The following C22orf15 variants were observed in gnomAD, a reference collection of about 807,000 sequenced individuals.
C22orf15 encodes the protein chromosome 22 open reading frame 15, also known as uncharacterized protein C22orf15.
Under a neutral mutation model 20.3 loss-of-function variants are expected in C22orf15, and 21 were observed. The observed-to-expected ratio is 1.04, with a 90% CI of 0.74 to 1.49. C22orf15 has a LOEUF of 1.49. C22orf15 is among the 40% of genes most tolerant of loss of function. The probability of loss-of-function intolerance (pLI) is 0.00; values close to 1 mark genes in which losing one functional copy is unlikely to be tolerated. For missense variants in C22orf15, 170 were observed against 191.1 expected, an observed-to-expected ratio of 0.89 and a Z score of 0.65; for synonymous variants, 78 against 75.4, an observed-to-expected ratio of 1.03 and a Z score of -0.18.
chr22:23,765,101 C>T, intron 5 of C22orf15, 199 bp downstream of exon 5: 6 of 1,438,714 alleles, frequency 4.2e-6, no homozygotes, highest in Non-Finnish European at 5.5e-6. Context: ...CAGGTCCCCA[C>T]CACCCCACGG....
chr22:23,764,524 T>C, intron 3 of C22orf15, 115 bp from the exon 4 acceptor site: 1 of 1,559,392 alleles, frequency 6.4e-7, no homozygotes, highest in Non-Finnish European at 8.8e-7. Context: ...CCCCAATCCA[T>C]CCCTACCCAA....
rs1321405003 is a variant in C22orf15, at chr22:23,763,130, C to T, written c.-177C>T. 2.6e-6 allele frequency: 2 copies of T among 782,828 alleles called. No homozygotes were observed. The highest frequency in any genetic ancestry group is 1.8e-5 in the African/African-American group (1 of 56,182). 48.5% of individuals were successfully genotyped at this position (782,828 alleles called of 1,614,324 possible). A position where few individuals can be genotyped will look rare whatever the true frequency, so the allele number is the denominator to read the frequency against. ...TTTGAGCTAGGCTGAAGCAGCAGAA[C>T]CACAGAGGTGGCTGAGCAGGGGCCT... On this transcript the variant is annotated 5_prime_UTR_variant, in exon 1 of 6. Coordinates refer to ENST00000402217, the MANE Select transcript of C22orf15 (RefSeq NM_182520.3).
At chr22:23,765,470 T>C (rs1246751589) in intron 5 of C22orf15, 1 of 1,550,828 alleles carries the variant, frequency 6.4e-7, no homozygotes, top group Non-Finnish European at 8.7e-7. Context: ...CAGACAGGAT[T>C]TGAGGCCGCC....
At chr22:23,765,419 C>G (rs1456622991) in intron 5 of C22orf15, 1 of 1,551,076 alleles carries the variant, frequency 6.4e-7, no homozygotes. Context: ...CTTGCAGAAT[C>G]TGGAATTGCT....
Position 23,764,378 on chromosome 22 carries a change from T to C in C22orf15, c.231T>C (p.Tyr77=). ...CCCTACTGAAGGAGCGAGCCATATA[T>C]GTCCTCGTTCGGATCATCAGTAAGG... The part of the protein sequence containing the change: ...GNSLLKERAI[Y]VLVRIIKGED... The change falls in exon 3 of 6, where the codon TAT becomes TAC. Residue 77 remains tyrosine, a synonymous_variant. Coordinates refer to ENST00000402217, the MANE Select transcript of C22orf15 (RefSeq NM_182520.3). The C allele has an allele frequency of 1.3e-6, 2 of 1,554,336 alleles. No homozygotes were observed. Among genetic ancestry groups the C allele is most frequent in the South Asian group, 1.2e-5 (1 of 84,520 alleles).
intron 4 of C22orf15, 21 bp downstream of exon 4, chr22:23,764,734 CA>C (rs1926442562): frequency 1.2e-6 from 2 of 1,614,042 alleles, no homozygotes; most frequent in African/African-American, 2.7e-5. Flanking sequence ...GGGTACAGCC[CA>C]GGGGGAGGGC....
rs534046925 is a variant in C22orf15, at chr22:23,764,676, A to G, written c.288A>G (p.Leu96=). Residue 96 remains leucine (L), a synonymous_variant, in exon 4 of 6, where the codon CTA becomes CTG. Coordinates refer to ENST00000402217, the MANE Select transcript of C22orf15 (RefSeq NM_182520.3). ...EDMASTRYES[L]LENLDDHYPE... ...TGGCCTCCACCCGCTATGAGTCCCT[A>G]TTGGAGAACCTGGATGACCATTACC... The G allele has an allele frequency of 1.4e-5, 23 of 1,614,130 alleles. No homozygotes were observed. Among genetic ancestry groups the G allele is most frequent in the South Asian group, 3.3e-5 (3 of 91,092 alleles).
In C22orf15 at chr22:23,764,367, C is replaced by A. The variant is rs775602012; in HGVS notation, c.220C>A (p.Arg74=). ...QTMGNSLLKE[R]AIYVLVRIIK... is the part of the protein sequence containing the mutation. ...CATGGGCAACTCCCTACTGAAGGAG[C>A]GAGCCATATATGTCCTCGTTCGGAT... Residue 74 remains arginine, a synonymous_variant, in exon 3 of 6, where the codon CGA becomes AGA. Coordinates refer to ENST00000402217, the MANE Select transcript of C22orf15 (RefSeq NM_182520.3). The A allele has an allele frequency of 3.9e-6, 6 of 1,551,958 alleles. No homozygotes were observed. Among genetic ancestry groups the A allele is most frequent in the South Asian group, 1.2e-5 (1 of 84,246 alleles).
intron 5 of C22orf15, chr22:23,765,163 A>C: frequency 7.0e-7 from 1 of 1,436,728 alleles, no homozygotes; most frequent in Non-Finnish European, 9.1e-7. Context: ...CAGATGTGGC[A>C]TAGGGGCTGG....
At chr22:23,764,978 GAC>G (rs1470407488) in intron 5 of C22orf15, 76 bp downstream of exon 5, 26 of 1,531,174 alleles carry the variant, frequency 1.7e-5, no homozygotes, top group Non-Finnish European at 2.3e-5. Flanking sequence ...CATCCACAGA[GAC>G]ACCCAGAGTG....
At chr22:23,765,633 C>A in intron 5 of C22orf15, 88 bp from the exon 6 acceptor site, 1 of 1,511,506 alleles carries the variant, frequency 6.6e-7, no homozygotes, top group South Asian at 1.3e-5. Context: ...CCGACTAATG[C>A]CTCTCCACCT....
intron 5 of C22orf15, 40 bp from the exon 6 acceptor site, chr22:23,765,681 C>T (rs1926693903): frequency 1.9e-6 from 3 of 1,541,038 alleles, no homozygotes; most frequent in Non-Finnish European, 2.6e-6. Context: ...CTGTGCTACC[C>T]ACAGTGCAGA....
rs747455082 is a variant in C22orf15, at chr22:23,764,779, C to T, written c.326-14C>T. Reference sequence around the variant, plus strand: ...TCCCTAACCCCTACCAACAGGACTTCCTGGGCCTTCCAGAGGAACTGCGCA... The same window carrying T: ...TCCCTAACCCCTACCAACAGGACTTTCTGGGCCTTCCAGAGGAACTGCGCA... On this transcript the variant is annotated splice_polypyrimidine_tract_variant and intron_variant, in intron 4 of 5. Coordinates refer to ENST00000402217, the MANE Select transcript of C22orf15 (RefSeq NM_182520.3). The T allele has an allele frequency of 1.2e-6, 2 of 1,614,134 alleles. No individual in the cohort carries two copies. The highest frequency in any genetic ancestry group is 1.7e-6 in the Non-Finnish European group (2 of 1,179,996).
rs1926718203 is a variant in C22orf15 at position 23,765,824 on chromosome 22, C to G, written c.*92C>G. 3 of 1,529,324 alleles carry G rather than the reference C, an allele frequency of 2.0e-6. No individual in the cohort carries two copies. Among genetic ancestry groups the G allele is most frequent in the Non-Finnish European group, 2.7e-6 (3 of 1,129,156 alleles). 94.7% of individuals were successfully genotyped at this position (1,529,324 alleles called of 1,614,324 possible). ...TGAAGACAGGCCATCGAGAGAGGCA[C>G]ACAACAGGCTGTGGTCTAAAATAAA... On this transcript the variant is annotated 3_prime_UTR_variant, in exon 6 of 6. Coordinates refer to ENST00000402217, the MANE Select transcript of C22orf15 (RefSeq NM_182520.3).
chr22:23,763,969 T>C (rs1926169179), intron 1 of C22orf15, 118 bp from the exon 2 acceptor site: 1 of 969,550 alleles, frequency 1.0e-6, no homozygotes, highest in African/African-American at 1.6e-5. Flanking sequence ...GGGCACAGTC[T>C]TAGCCCATAG....
At chr22:23,765,676 C>A in intron 5 of C22orf15, 45 bp from the exon 6 acceptor site, 1 of 1,536,936 alleles carries the variant, frequency 6.5e-7, no homozygotes, top group Non-Finnish European at 8.8e-7. Flanking sequence ...CTGTCCTGTG[C>A]TACCCACAGT....
At chr22:23,765,254 C>A in intron 5 of C22orf15, 4 of 1,491,538 alleles carry the variant, frequency 2.7e-6, no homozygotes, top group Non-Finnish European at 3.6e-6. Context: ...ACGGCCCACA[C>A]TGGGTTTGAA....
chr22:23,765,399 C>T, intron 5 of C22orf15: 1 of 1,551,052 alleles, frequency 6.4e-7, no homozygotes, highest in Non-Finnish European at 8.7e-7. Flanking sequence ...AACAACCCAG[C>T]AGGACTCCTC....
rs987308712 is a variant in C22orf15 at position 23,764,267 on chromosome 22, T to C, written c.120T>C (p.Ile40=). Residue 40 remains isoleucine (I), a synonymous_variant, in exon 3 of 6, where the codon ATT becomes ATC. Coordinates refer to ENST00000402217, the MANE Select transcript of C22orf15 (RefSeq NM_182520.3). ...QKAGLPPDAT[I]ALLAEDGNLV... ...CTCTCCATGTCCTCCCAGCGACCAT[T>C]GCTCTCCTGGCTGAGGATGGCAACC... 2.1e-5 allele frequency: 32 copies of C among 1,551,542 alleles called. No individual in the cohort carries two copies. The highest frequency in any genetic ancestry group is 1.7e-4 in the Middle Eastern group (1 of 6,014).
Sources: allele counts gnomAD v4.1 joint callset, GRCh38; gene constraint gnomAD v4.1.1; transcripts MANE v1.5; gene names NCBI Gene and HGNC (gene_info 2026-07-23, HGNC 2026-07-21).